The following PSD3 variants were observed in gnomAD, a reference collection of about 807,000 sequenced individuals.
The protein encoded by PSD3 is PH and SEC7 domain-containing protein 3.
Under a neutral mutation model 105.5 loss-of-function variants are expected in PSD3, and 49 were observed. The observed-to-expected ratio is 0.46, with a 90% CI of 0.37 to 0.59. PSD3 has a LOEUF of 0.59. Among genes scored for constraint, PSD3 ranks in the 20% least tolerant of loss-of-function variants. PSD3 has a pLI of 0.00. For missense variants in PSD3, 1,561 were observed against 1,263.8 expected (o/e 1.24, Z -3.57); for synonymous variants, 557 against 457.8 (o/e 1.22, Z -2.77).
intron 11 of PSD3, among the ~76,000 whole-genome samples, chr8:18,619,767 C>G (rs562934548): frequency 6.6e-6 from 1 of 152,316 alleles, no homozygotes; most frequent in Admixed American, 6.5e-5. Flanking sequence ...ACTCCCCAAC[C>G]TGACTCTGGT....
intron 2 of PSD3, among the ~76,000 whole-genome samples, chr8:18,927,094 C>A (rs1161877567): frequency 2.0e-5 from 3 of 152,176 alleles, no homozygotes; most frequent in African/African-American, 7.2e-5. Flanking sequence ...TGAAGAGATG[C>A]ATATGGTATG....
intron 1 of PSD3, among the ~76,000 whole-genome samples, chr8:19,027,523 A>G (rs192492791): frequency 6.6e-6 from 1 of 152,326 alleles, no homozygotes; most frequent in African/African-American, 2.4e-5. Context: ...AGAGCTGTGT[A>G]AGTTCCACTA....
intron 1 of PSD3, among the ~76,000 whole-genome samples, chr8:18,995,066 C>G (rs1174077209): frequency 6.6e-6 from 1 of 152,112 alleles, no homozygotes; most frequent in African/African-American, 2.4e-5. Flanking sequence ...TATAACAAAG[C>G]CAAAGGACTG....
chr8:18,649,128 G>T (rs932849366), intron 10 of PSD3, among the ~76,000 whole-genome samples: 1 of 152,194 alleles, frequency 6.6e-6, no homozygotes, highest in African/African-American at 2.4e-5. Context: ...GCTGTGAGAA[G>T]AGGGCTACCA....
chr8:18,841,050 C>T (rs907366478), intron 4 of PSD3, among the ~76,000 whole-genome samples: 1 of 152,074 alleles, frequency 6.6e-6, no homozygotes, highest in Non-Finnish European at 1.5e-5. Flanking sequence ...AAAACAAGAA[C>T]CTAAGTAGAG....
rs1799675491 is a variant in PSD3, at chr8:18,532,527, C to T, written c.*3216G>A. The T allele has an allele frequency of 6.6e-6, 1 of 152,218 alleles. No homozygotes were observed. Among genetic ancestry groups the T allele is most frequent in the Non-Finnish European group, 1.5e-5 (1 of 68,038 alleles). 9.4% of individuals were successfully genotyped at this position (152,218 alleles called of 1,614,324 possible). ...GCATCTAAGAGGAATAAAAAGGTTA[C>T]ACATAATCCAGGGACTACATTTCCA... is the stretch of plus-strand genomic sequence containing the variant. On this transcript the variant is annotated 3_prime_UTR_variant, in exon 16 of 16. Transcript: ENST00000327040.
At chr8:18,540,277 C>G (rs915906316) in intron 15 of PSD3, among the ~76,000 whole-genome samples, 11 of 152,180 alleles carry the variant, frequency 7.2e-5, no homozygotes, top group African/African-American at 2.7e-4. Flanking sequence ...TAACGGATGA[C>G]TGTATGCTAT....
intron 4 of PSD3, among the ~76,000 whole-genome samples, chr8:18,853,842 C>T (rs995870200): frequency 6.6e-6 from 1 of 152,150 alleles, no homozygotes; most frequent in African/African-American, 2.4e-5. Flanking sequence ...CCTCAAAGAG[C>T]AGCACAACTC....
chr8:19,073,958 T>A (rs1829360226), intron 1 of PSD3, among the ~76,000 whole-genome samples: 1 of 151,308 alleles, frequency 6.6e-6, no homozygotes, highest in Non-Finnish European at 1.5e-5. Context: ...GCCTGGCTAA[T>A]TTTTTGTATT....
intron 1 of PSD3, among the ~76,000 whole-genome samples, chr8:19,029,189 T>C (rs1274885658): frequency 6.6e-6 from 1 of 152,216 alleles, no homozygotes; most frequent in Non-Finnish European, 1.5e-5. Flanking sequence ...ATTAGTTTCA[T>C]TAAAAATGTC....
At chr8:18,908,062 T>C (rs756185670) in intron 2 of PSD3, among the ~76,000 whole-genome samples, 7 of 152,200 alleles carry the variant, frequency 4.6e-5, no homozygotes, top group Non-Finnish European at 8.8e-5. Flanking sequence ...GAATGCAGAA[T>C]TGATAACAGG....
chr8:18,677,516 G>C (rs1272683113), intron 9 of PSD3, among the ~76,000 whole-genome samples: 1 of 152,176 alleles, frequency 6.6e-6, no homozygotes, highest in African/African-American at 2.4e-5. Context: ...TTGCACTCTG[G>C]CCTAGAAGAC....
At chr8:18,900,445 G>T (rs1168602637) in intron 2 of PSD3, among the ~76,000 whole-genome samples, 1 of 152,038 alleles carries the variant, frequency 6.6e-6, no homozygotes, top group Non-Finnish European at 1.5e-5. Context: ...AATGGCAGGT[G>T]ACCACAGCTG....
intron 4 of PSD3, among the ~76,000 whole-genome samples, chr8:18,827,169 C>T (rs1813264173): frequency 6.6e-6 from 1 of 152,166 alleles, no homozygotes. Context: ...ACTTCATAGT[C>T]TAGAGAGTGA....
chr8:18,864,007 T>C (rs1816643423), intron 4 of PSD3, among the ~76,000 whole-genome samples: 1 of 151,482 alleles, frequency 6.6e-6, no homozygotes, highest in African/African-American at 2.4e-5. Context: ...TGTCATCCTG[T>C]GCTCAAAAAA....
At chr8:18,790,185 A>G (rs940101280) in intron 8 of PSD3, among the ~76,000 whole-genome samples, 4 of 152,196 alleles carry the variant, frequency 2.6e-5, no homozygotes, top group East Asian at 3.8e-4. Context: ...AAACTATGGC[A>G]TACTTAGATA....
chr8:18,552,080 A>T (rs940031435), intron 15 of PSD3, among the ~76,000 whole-genome samples: 14 of 152,184 alleles, frequency 9.2e-5, no homozygotes, highest in South Asian at 4.1e-4. Flanking sequence ...GCCAAAGAAA[A>T]CACGTTGACA....
chr8:18,892,912 A>AC (rs1818906267), intron 2 of PSD3, among the ~76,000 whole-genome samples: 2 of 152,200 alleles, frequency 1.3e-5, no homozygotes, highest in African/African-American at 4.8e-5. Context: ...GATGTGAGCA[A>AC]CCGTGCCCAG....
intron 9 of PSD3, among the ~76,000 whole-genome samples, chr8:18,662,851 T>C (rs750869423): frequency 6.6e-6 from 1 of 152,162 alleles, no homozygotes; most frequent in Non-Finnish European, 1.5e-5. Context: ...GCACAGCTTT[T>C]ACAGATTAAT....
Sources: gnomAD v4.1 joint callset for allele counts (sites outside exome capture counted in the v4.1 genomes callset) on GRCh38, gnomAD v4.1.1 for gene constraint, MANE v1.5 for transcripts, NCBI Gene and HGNC (gene_info 2026-07-23, HGNC 2026-07-21) for gene names.